SRPK2: variants seen among roughly 807,000 people sequenced by gnomAD.
The protein encoded by SRPK2 is SFRS protein kinase 2.
Under a neutral mutation model 90.8 loss-of-function variants are expected in SRPK2, and 21 were observed. The observed-to-expected ratio is 0.23, with a 90% CI of 0.16 to 0.33. The LOEUF (loss-of-function observed/expected upper bound fraction) is 0.33, where lower values mean the gene tolerates loss of function less well. Ranked by LOEUF, SRPK2 falls within the 10% of genes least tolerant of loss-of-function variation. SRPK2 has a pLI of 1.00. For missense variants in SRPK2, 620 were observed against 869.0 expected, an observed-to-expected ratio of 0.71 and a Z score of 3.60; for synonymous variants, 288 against 311.1, an observed-to-expected ratio of 0.93 and a Z score of 0.78.
chr7:105,176,681 G>A (rs1296838094), intron 3 of SRPK2, among the ~76,000 whole-genome samples: 5 of 126,092 alleles, frequency 4.0e-5, no homozygotes, highest in East Asian at 4.2e-4. Flanking sequence ...ATGTATGCAT[G>A]TGTGTGTGTA....
At chr7:105,376,683 G>A (rs1563307375) in intron 2 of SRPK2, among the ~76,000 whole-genome samples, 2 of 151,020 alleles carry the variant, frequency 1.3e-5, no homozygotes, top group East Asian at 2.0e-4. Context: ...GATTACAGGC[G>A]TGCACCACCA....
At chr7:105,264,320 C>T (rs183601566) in intron 2 of SRPK2, among the ~76,000 whole-genome samples, 5 of 152,114 alleles carry the variant, frequency 3.3e-5, no homozygotes, top group South Asian at 4.1e-4. Flanking sequence ...CCTTTGCATA[C>T]GAGGCACCAA....
intron 2 of SRPK2, among the ~76,000 whole-genome samples, chr7:105,250,406 A>C (rs1469060380): frequency 8.4e-6 from 1 of 119,184 alleles, no homozygotes; most frequent in East Asian, 1.9e-4. Flanking sequence ...AAACAATGCA[A>C]GAAAAAAAAA....
intron 2 of SRPK2, among the ~76,000 whole-genome samples, chr7:105,278,308 CTG>C (rs1448743406): frequency 8.0e-6 from 1 of 124,284 alleles, no homozygotes; most frequent in East Asian, 2.1e-4. Flanking sequence ...CAGCGAGATT[CTG>C]TCTCAAAAAA....
At chr7:105,244,812 A>G in intron 2 of SRPK2, 1 of 972,392 alleles carries the variant, frequency 1.0e-6, no homozygotes, top group East Asian at 2.4e-5. Context: ...GCCCCGTACA[A>G]GCAGCACGCC....
chr7:105,235,947 A>G (rs1016640325), intron 2 of SRPK2, among the ~76,000 whole-genome samples: 3 of 152,248 alleles, frequency 2.0e-5, no homozygotes, highest in Non-Finnish European at 2.9e-5. Flanking sequence ...CAGTACTTCT[A>G]TACTAACATC....
At chr7:105,264,478 C>T (rs1489727957) in intron 2 of SRPK2, among the ~76,000 whole-genome samples, 1 of 152,094 alleles carries the variant, frequency 6.6e-6, no homozygotes, top group Non-Finnish European at 1.5e-5. Context: ...GAATATAGGC[C>T]ACAGCATAAA....
chr7:105,344,776 T>C (rs1482783692), intron 2 of SRPK2, among the ~76,000 whole-genome samples: 1 of 151,250 alleles, frequency 6.6e-6, no homozygotes, highest in Non-Finnish European at 1.5e-5. Flanking sequence ...TTCTGGCCTC[T>C]GGGAAATGAA....
intron 6 of SRPK2, among the ~76,000 whole-genome samples, chr7:105,165,725 G>T (rs921573538): frequency 6.6e-6 from 1 of 152,178 alleles, no homozygotes; most frequent in African/African-American, 2.4e-5. Flanking sequence ...ACGTGGGCAC[G>T]GACAAATGAG....
At chr7:105,144,789 C>A (rs1562982183) in intron 9 of SRPK2, among the ~76,000 whole-genome samples, 1 of 152,106 alleles carries the variant, frequency 6.6e-6, no homozygotes, top group Non-Finnish European at 1.5e-5. Context: ...TCTAACTATC[C>A]CAACTCTGCA....
In SRPK2 at chr7:105,203,642, G is replaced by A. The variant is rs780492109; in HGVS notation, c.215C>T (p.Ala72Val). The A allele has an allele frequency of 2.2e-5, 33 of 1,525,000 alleles. No individual in the cohort carries two copies. Among genetic ancestry groups the A allele is most frequent in the African/African-American group, 2.8e-5 (2 of 70,672 alleles). 94.5% of individuals were successfully genotyped at this position (1,525,000 alleles called of 1,614,324 possible). A position where few individuals can be genotyped will look rare whatever the true frequency, so the allele number is the denominator to read the frequency against. Residue 72 changes from alanine to valine, a missense_variant, in exon 3 of 16, where the codon GCG (alanine) becomes GTG (valine). Ala to Val is a moderately conservative substitution (Grantham distance 64). Around this residue, in one of 8 missense-constraint regions of SRPK2, gnomAD observed 196 missense variants for 339.2 expected, o/e 0.58. Transcript: ENST00000393651. ...TGGCACATCACCTTTGCAGTAGTCC[G>A]CAGGGTCCTCTTGCTCCTCATCATC... ...GSDDEEQEDP[A>V]DYCKGGYHPV...
intron 1 of SRPK2, among the ~76,000 whole-genome samples, chr7:105,396,826 G>GAA: frequency 6.7e-6 from 1 of 148,610 alleles, no homozygotes; most frequent in Non-Finnish European, 1.5e-5. Flanking sequence ...GAGAAAGAGA[G>GAA]AGAGAGAGAG....
chr7:105,126,870 C>A, intron 14 of SRPK2, 123 bp downstream of exon 14: 1 of 934,486 alleles, frequency 1.1e-6, no homozygotes, highest in Middle Eastern at 2.2e-4. Flanking sequence ...GGAAAAGCAT[C>A]TGAATTTGGT....
chr7:105,164,711 T>C (rs995387573), intron 6 of SRPK2, among the ~76,000 whole-genome samples: 2 of 152,342 alleles, frequency 1.3e-5, no homozygotes, highest in Admixed American at 1.3e-4. Flanking sequence ...TTCTCAAATA[T>C]ATAGAGTGAA....
intron 2 of SRPK2, among the ~76,000 whole-genome samples, chr7:105,347,062 C>CT (rs540861532): frequency 0.06 from 8,449 of 140,196 alleles, 280 homozygotes; most frequent in Middle Eastern, 0.11. Context: ...GATAGACTGG[C>CT]TTTTTTTTTT....
At position 105,204,776 on chromosome 7, in the gene SRPK2, ACACCATG is replaced by A. The variant is rs1261746780; in HGVS notation, c.72-998_72-992del. The A allele has an allele frequency of 1.5e-5, 8 of 540,610 alleles. No individual in the cohort carries two copies. The Admixed American group carries it at 1.8e-4, about 12-fold the overall frequency. 33.5% of individuals were successfully genotyped at this position (540,610 alleles called of 1,614,324 possible). On this transcript the variant is annotated intron_variant, in intron 2 of 15. Transcript: ENST00000393651. The stretch of plus-strand genomic sequence containing the variant: ...CAAAATTCTTTAGCACCAGTTCCTC[ACACCATG>A]CACCTGCTGTCACCCAGCATGCGCC...
At chr7:105,349,227 G>C (rs562529265) in intron 2 of SRPK2, among the ~76,000 whole-genome samples, 2 of 149,900 alleles carry the variant, frequency 1.3e-5, no homozygotes, top group South Asian at 4.2e-4. Flanking sequence ...AAGAACCTAC[G>C]AAAGAATTAA....
At chr7:105,328,085 T>C (rs891476203) in intron 2 of SRPK2, among the ~76,000 whole-genome samples, 4 of 152,152 alleles carry the variant, frequency 2.6e-5, no homozygotes, top group African/African-American at 4.8e-5. Flanking sequence ...CTATAGGAGT[T>C]TCCTCTAGAA....
intron 2 of SRPK2, among the ~76,000 whole-genome samples, chr7:105,288,163 C>T (rs1808420180): frequency 6.6e-6 from 1 of 152,200 alleles, no homozygotes; most frequent in African/African-American, 2.4e-5. Context: ...GGAAGTTGTA[C>T]AACTGGCATT....
Sources: gnomAD v4.1 joint callset for allele counts (sites outside exome capture counted in the v4.1 genomes callset) on GRCh38, gnomAD v4.1.1 for gene constraint, gnomAD v4.1.1 regional missense constraint, MANE v1.5 for transcripts, NCBI Gene and HGNC (gene_info 2026-07-23, HGNC 2026-07-21) for gene names.